Variants in RUNX1T1 observed in about 807,000 individuals in gnomAD.
The protein encoded by RUNX1T1 is protein CBFA2T1.
Under a neutral mutation model 62.8 loss-of-function variants are expected in RUNX1T1, and 4 were observed. The ratio of observed to expected loss-of-function variants is 0.06; its 90% CI spans 0.03 to 0.15. The LOEUF (loss-of-function observed/expected upper bound fraction) is 0.15, where lower values mean the gene tolerates loss of function less well. Among genes scored for constraint, RUNX1T1 ranks in the 10% least tolerant of loss-of-function variants. The pLI is 1.00. For synonymous variants in RUNX1T1, 291 were observed against 286.0 expected, an observed-to-expected ratio of 1.02 and a Z score of -0.18; for missense variants, 508 against 754.3, an observed-to-expected ratio of 0.67 and a Z score of 3.82.
At chr8:92,052,133 C>A (rs1417648412) in intron 1 of RUNX1T1, among the ~76,000 whole-genome samples, 2 of 152,284 alleles carry the variant, frequency 1.3e-5, no homozygotes, top group East Asian at 3.9e-4. Context: ...AGAAATAAAT[C>A]TTCTCAAGGC....
chr8:92,045,371 T>C (rs2130244260), intron 1 of RUNX1T1, among the ~76,000 whole-genome samples: 1 of 152,284 alleles, frequency 6.6e-6, no homozygotes, highest in Admixed American at 6.5e-5. Flanking sequence ...CAAACTACCA[T>C]GATACATTCC....
At chr8:92,103,056 C>T (rs1405284005), upstream of RUNX1T1, 4 of 554,814 alleles carry the variant, frequency 7.2e-6, no homozygotes, top group East Asian at 1.4e-4. Flanking sequence ...CGACTACGGC[C>T]GCCCGGCGCT....
intron 1 of RUNX1T1, among the ~76,000 whole-genome samples, chr8:92,059,252 TAG>T (rs987500302): frequency 6.6e-6 from 1 of 152,130 alleles, no homozygotes; most frequent in African/African-American, 2.4e-5. Flanking sequence ...CAAAGTAAAA[TAG>T]AGTGTCAGTG....
intron 1 of RUNX1T1, among the ~76,000 whole-genome samples, chr8:92,084,275 G>T (rs1835745593): frequency 7.9e-6 from 1 of 127,100 alleles, no homozygotes; most frequent in Non-Finnish European, 1.6e-5. Flanking sequence ...AAAAGATGGG[G>T]TGTTTTGTTT....
upstream of RUNX1T1, among the ~76,000 whole-genome samples, chr8:92,102,501 C>T (rs1317434092): frequency 6.6e-6 from 1 of 151,892 alleles, no homozygotes; most frequent in Admixed American, 6.6e-5. The surrounding 1 kb of genome is among the most constrained non-coding windows in gnomAD (Gnocchi z 4.5). Context: ...ACTGTGGGCA[C>T]CTCGATCGGT....
At chr8:91,958,456 T>C (rs899916979), downstream of RUNX1T1, 16 of 196,382 alleles carry the variant, frequency 8.1e-5, no homozygotes, top group Admixed American at 1.2e-4. Flanking sequence ...CTGTATAACC[T>C]GGCATTCAGC....
At chr8:92,027,271 A>T (rs775357352) in intron 1 of RUNX1T1, among the ~76,000 whole-genome samples, 4 of 152,178 alleles carry the variant, frequency 2.6e-5, no homozygotes, top group South Asian at 4.1e-4. Flanking sequence ...TCAAATTTAC[A>T]TGTGCCTGAT....
rs1834390570 is a variant in RUNX1T1 at position 92,076,175 on chromosome 8, C to A, written c.-85-38G>T. 2.8e-6 allele frequency: 4 copies of A among 1,451,474 alleles called. No individual in the cohort carries two copies. The South Asian group carries it at 6.1e-5, about 22-fold the overall frequency. The allele number at this position is 1,451,474 out of a possible 1,614,324, so 89.9% of individuals were successfully genotyped here. On this transcript the variant is annotated intron_variant, in intron 1 of 11. Transcript: ENST00000265814. ...ACAAAGGGAAAAAAAATGCATATAT[C>A]ACAACCAGTCTGAAGTATCATACCC...
intron 1 of RUNX1T1, among the ~76,000 whole-genome samples, chr8:92,090,371 G>A (rs1017522657): frequency 1.8e-4 from 27 of 152,122 alleles, no homozygotes; most frequent in Admixed American, 1.3e-3. Flanking sequence ...GACCAACTAC[G>A]AAAGGAACAA....
At chr8:92,060,553 A>ATATGTGTG in intron 1 of RUNX1T1, among the ~76,000 whole-genome samples, 3 of 63,972 alleles carry the variant, frequency 4.7e-5, no homozygotes, top group African/African-American at 1.2e-4. Flanking sequence ...ATATATATAT[A>ATATGTGTG]TGTGTGTGTG....
chr8:92,095,285 C>T (rs1204923739), intron 1 of RUNX1T1: 14 of 1,518,608 alleles, frequency 9.2e-6, no homozygotes, highest in Non-Finnish European at 1.2e-5. Context: ...CCACGCCCCC[C>T]TTCCTCCTGG....
At chr8:92,085,529 GATTT>G (rs1478195409) in intron 1 of RUNX1T1, among the ~76,000 whole-genome samples, 2 of 152,098 alleles carry the variant, frequency 1.3e-5, no homozygotes, top group African/African-American at 4.8e-5. Context: ...AAAAAAGATT[GATTT>G]CTTTATGCTT....
intron 8 of RUNX1T1, among the ~76,000 whole-genome samples, chr8:91,976,377 G>A (rs937585949): frequency 6.6e-6 from 1 of 152,182 alleles, no homozygotes; most frequent in African/African-American, 2.4e-5. Context: ...TTCAGGTAAT[G>A]TAATTTCCAC....
In RUNX1T1 at chr8:92,032,088, T is replaced by C. The variant is rs1219530749; in HGVS notation, c.8-14725A>G. ...AGCCTGGGCGGCAGAGCGAGAATCCTGTCTCAAAAAAAAAAAAAAAAAAAA... is the reference window on the plus strand; with the variant it reads ...AGCCTGGGCGGCAGAGCGAGAATCCCGTCTCAAAAAAAAAAAAAAAAAAAA... On this transcript the variant is annotated intron_variant, in intron 1 of 10. Transcript: ENST00000396218. Among the ~76,000 whole-genome samples the C allele has an allele frequency of 2.7e-5, 3 of 110,510 alleles. No homozygotes were observed. The South Asian group carries it at 9.2e-4, about 34-fold the overall frequency. The allele number at this position is 110,510 out of a possible 152,430, so 72.5% of individuals were successfully genotyped here. A position where few individuals can be genotyped will look rare whatever the true frequency, so the allele number is the denominator to read the frequency against.
At chr8:92,046,545 G>A (rs998681966) in intron 1 of RUNX1T1, among the ~76,000 whole-genome samples, 1 of 151,920 alleles carries the variant, frequency 6.6e-6, no homozygotes, top group Non-Finnish European at 1.5e-5. Flanking sequence ...TTTATTTTTA[G>A]TAGAGACAGG....
At chr8:92,082,835 AG>A (rs1835486331) in intron 1 of RUNX1T1, among the ~76,000 whole-genome samples, 1 of 152,116 alleles carries the variant, frequency 6.6e-6, no homozygotes, top group Non-Finnish European at 1.5e-5. Context: ...CTGGAGGAAG[AG>A]TACTCAGACT....
intron 1 of RUNX1T1, chr8:92,095,055 G>C (rs1204419480): frequency 1.3e-6 from 2 of 1,535,588 alleles, no homozygotes; most frequent in Non-Finnish European, 1.7e-6. Flanking sequence ...GGATAGCAGA[G>C]GTGATGGGAG....
intron 10 of RUNX1T1, among the ~76,000 whole-genome samples, chr8:91,962,416 G>A (rs1012535486): frequency 6.6e-6 from 1 of 152,188 alleles, no homozygotes; most frequent in Non-Finnish European, 1.5e-5. Flanking sequence ...GTCAAAAAAT[G>A]TCATAAGTTA....
At chr8:91,985,168 G>T (rs1247294617) in intron 8 of RUNX1T1, among the ~76,000 whole-genome samples, 1 of 152,174 alleles carries the variant, frequency 6.6e-6, no homozygotes. Flanking sequence ...TAGCAGATGG[G>T]TATGGGGCCA....
Sources: allele counts gnomAD v4.1 joint callset (sites outside exome capture counted in the v4.1 genomes callset), GRCh38; gene constraint gnomAD v4.1.1; non-coding constraint Gnocchi (gnomAD v3.1); transcripts MANE v1.5; gene names NCBI Gene and HGNC (gene_info 2026-07-23, HGNC 2026-07-21).